Variants in GDPD1 observed in about 807,000 individuals in gnomAD.
GDPD1 encodes lysophospholipase D GDPD1.
A neutral mutation model predicts 45.1 loss-of-function variants in GDPD1; 28 were observed. The ratio of observed to expected loss-of-function variants is 0.62; its 90% CI spans 0.46 to 0.85. The LOEUF (loss-of-function observed/expected upper bound fraction) is 0.85. GDPD1 is among the 40% of genes least tolerant of loss of function. The pLI, the probability that GDPD1 is intolerant of heterozygous loss-of-function variation, is 0.00. For synonymous variants in GDPD1, 139 were observed against 131.4 expected (o/e 1.06, Z -0.40); for missense variants, 256 against 364.8 (o/e 0.70, Z 2.43).
Position 59,224,210 on chromosome 17 carries a change from ATCAT to A in GDPD1, c.142+3463_142+3466del, listed in dbSNP as rs1836030808. 3.9e-5 allele frequency among the ~76,000 whole-genome samples: 6 copies of A among 152,324 alleles called. No individual in the cohort carries two copies. In the South Asian group the frequency reaches 1.2e-3, roughly 32 times the overall value. On this transcript the variant is annotated intron_variant, in intron 1 of 9. Coordinates refer to ENST00000284116, the MANE Select transcript of GDPD1 (RefSeq NM_182569.4). The stretch of plus-strand genomic sequence containing the variant: ...TTATAAAATCATGCATGGGTGAAAG[ATCAT>A]TCAAAGTTCAAGATGGGCCAATGGA...
At chr17:59,228,589 A>G (rs2047065254) in intron 1 of GDPD1, among the ~76,000 whole-genome samples, 1 of 152,102 alleles carries the variant, frequency 6.6e-6, no homozygotes, top group Admixed American at 6.6e-5. Flanking sequence ...TAGCTTAAAA[A>G]TCATGGTTAG....
At chr17:59,247,737 C>A (rs1194481349) in intron 3 of GDPD1, among the ~76,000 whole-genome samples, 3 of 152,062 alleles carry the variant, frequency 2.0e-5, no homozygotes, top group African/African-American at 7.2e-5. Flanking sequence ...TCAAGAAATT[C>A]TCCTGCCTCA....
chr17:59,233,220 A>G (rs999957602), intron 1 of GDPD1, among the ~76,000 whole-genome samples: 2 of 151,774 alleles, frequency 1.3e-5, no homozygotes, highest in African/African-American at 4.8e-5. Context: ...TGTCTCAAGA[A>G]AAAACAAAAC....
chr17:59,230,369 A>G (rs78610925), intron 1 of GDPD1, among the ~76,000 whole-genome samples: 1 of 121,538 alleles, frequency 8.2e-6, no homozygotes, highest in East Asian at 2.6e-4. Flanking sequence ...CCAGTTGTAG[A>G]ATTTTTTTTT....
chr17:59,220,673 T>G lies in GDPD1; in HGVS notation c.64T>G (p.Leu22Val). ...TLGGYLVTSFLLLKYPTLLHQ... is the reference protein window; with the variant it reads ...TLGGYLVTSFVLLKYPTLLHQ... ...AGGAGGATACTTGGTGACCTCATTCTTGTTGCTTAAATACCCGACCTTGCT... is the reference window on the plus strand; with the variant it reads ...AGGAGGATACTTGGTGACCTCATTCGTGTTGCTTAAATACCCGACCTTGCT... Residue 22 changes from leucine to valine, a missense_variant, in exon 1 of 10, where the codon TTG (leucine) becomes GTG (valine). Leu to Val is a conservative substitution (Grantham distance 32, BLOSUM62 1). Transcript: ENST00000284116. 1 of 1,614,190 alleles carries G rather than the reference T, an allele frequency of 6.2e-7. No individual in the cohort carries two copies. The highest frequency in any genetic ancestry group is 8.5e-7 in the Non-Finnish European group (1 of 1,180,012).
intron 1 of GDPD1, among the ~76,000 whole-genome samples, chr17:59,224,624 CAAAAAAAAA>C (rs71145538): frequency 8.7e-6 from 1 of 114,800 alleles, no homozygotes. Context: ...GACTCCATCT[CAAAAAAAAA>C]AAAAAACAAA....
At chr17:59,256,175 C>G (rs892518530) in intron 4 of GDPD1, among the ~76,000 whole-genome samples, 2 of 151,730 alleles carry the variant, frequency 1.3e-5, no homozygotes, top group East Asian at 1.9e-4. Context: ...AAAAATTAGC[C>G]GAGCGTGATG....
intron 5 of GDPD1, 132 bp downstream of exon 5, chr17:59,257,372 A>G: frequency 1.7e-6 from 1 of 593,254 alleles, no homozygotes; most frequent in Non-Finnish European, 3.0e-6. Flanking sequence ...ATTGTTTTAA[A>G]TAATGCCTTA....
At chr17:59,267,795 G>T in intron 7 of GDPD1, among the ~76,000 whole-genome samples, 1 of 151,096 alleles carries the variant, frequency 6.6e-6, no homozygotes, top group Non-Finnish European at 1.5e-5. Context: ...TCAGCCTCCC[G>T]AGTAGCTGGG....
intron 2 of GDPD1, among the ~76,000 whole-genome samples, chr17:59,235,960 A>G (rs2047128800): frequency 6.6e-6 from 1 of 152,130 alleles, no homozygotes; most frequent in Non-Finnish European, 1.5e-5. Flanking sequence ...GTATAATTTT[A>G]TGTGTACAAA....
chr17:59,229,235 A>C (rs2047070571), intron 1 of GDPD1, among the ~76,000 whole-genome samples: 1 of 148,952 alleles, frequency 6.7e-6, no homozygotes, highest in Non-Finnish European at 1.5e-5. Flanking sequence ...CTCACTGCAA[A>C]CTCTACCTCC....
intron 3 of GDPD1, among the ~76,000 whole-genome samples, chr17:59,247,780 G>A (rs918520501): frequency 6.6e-6 from 1 of 151,830 alleles, no homozygotes; most frequent in South Asian, 2.1e-4. Flanking sequence ...ACAGGCATGC[G>A]CCACCACACC....
rs9912546 is a variant in GDPD1 at position 59,273,986 on chromosome 17, G to A, written c.*213G>A. 1 of 748,262 alleles carries A rather than the reference G, an allele frequency of 1.3e-6. No individual in the cohort carries two copies. The highest frequency in any genetic ancestry group is 1.6e-6 in the Non-Finnish European group (1 of 610,038). 46.4% of individuals were successfully genotyped at this position (748,262 alleles called of 1,614,324 possible). A position where few individuals can be genotyped will look rare whatever the true frequency, so the allele number is the denominator to read the frequency against. On this transcript the variant is annotated 3_prime_UTR_variant, in exon 10 of 10. Transcript: ENST00000284116. The stretch of plus-strand genomic sequence containing the variant: ...ATATTTTATGTTTGTAAATTGTTTA[G>A]AAAGATAATTGGTTATGAGATGTAA...
chr17:59,256,821 A>G (rs2047312936), intron 4 of GDPD1, among the ~76,000 whole-genome samples: 1 of 152,176 alleles, frequency 6.6e-6, no homozygotes, highest in African/African-American at 2.4e-5. Flanking sequence ...AATAAATCAT[A>G]ATCATAAGCA....
intron 1 of GDPD1, among the ~76,000 whole-genome samples, chr17:59,229,490 G>A (rs2047072817): frequency 6.6e-6 from 1 of 151,630 alleles, no homozygotes; most frequent in African/African-American, 2.4e-5. Flanking sequence ...CTCCCAAAGT[G>A]CTGGAATTAC....
intron 4 of GDPD1, among the ~76,000 whole-genome samples, chr17:59,251,990 T>TTAA (rs2047257876): frequency 5.6e-5 from 2 of 35,446 alleles, no homozygotes; most frequent in Non-Finnish European, 8.7e-5. Flanking sequence ...AGACTCAGTC[T>TTAA]CAAAAAAAAA....
chr17:59,248,764 CTG>C lies in GDPD1; in HGVS notation c.347_348del (p.Leu116ArgfsTer11). On this transcript the variant is annotated frameshift_variant, in exon 4 of 10. Coordinates refer to ENST00000284116, the MANE Select transcript of GDPD1 (RefSeq NM_182569.4). LOFTEE classifies it high-confidence loss of function. ...YCELPPYLGK[L>X]DVSFQRACQC... ...GGAGCTCCCACCTTACCTTGGCAAA[CTG>C]GATGTCTCATTTCAAAGAGGTAATA... 16 of 1,604,986 alleles carry C rather than the reference CTG, an allele frequency of 1.0e-5. No individual in the cohort carries two copies. Among genetic ancestry groups the C allele is most frequent in the Non-Finnish European group, 1.4e-5 (16 of 1,175,162 alleles).
At chr17:59,233,971 G>C (rs1053761957) in intron 1 of GDPD1, among the ~76,000 whole-genome samples, 3 of 152,106 alleles carry the variant, frequency 2.0e-5, no homozygotes, top group African/African-American at 7.2e-5. Context: ...CTATCCCCAA[G>C]ATCTCTCATT....
At chr17:59,257,694 G>C (rs78486108) in intron 5 of GDPD1, 57 bp from the exon 6 acceptor site, 36,548 of 1,023,044 alleles carry the variant, frequency 0.036, 915 homozygotes, top group Non-Finnish European at 0.043. Context: ...TAAGTGAAAT[G>C]TTGTTAGTGG....
Sources: gnomAD v4.1 joint callset for allele counts (sites outside exome capture counted in the v4.1 genomes callset) on GRCh38, gnomAD v4.1.1 for gene constraint, MANE v1.5 for transcripts, NCBI Gene and HGNC (gene_info 2026-07-23, HGNC 2026-07-21) for gene names.